Variants in KIRREL3 observed in about 807,000 individuals in gnomAD.
KIRREL3 encodes the protein kin of IRRE-like protein 3.
A neutral mutation model predicts 89.7 loss-of-function variants in KIRREL3; 36 were observed. The observed-to-expected ratio is 0.40, with a 90% confidence interval of 0.31 to 0.53. The LOEUF (loss-of-function observed/expected upper bound fraction) is 0.53, where lower values mean the gene tolerates loss of function less well. Ranked by LOEUF, KIRREL3 falls within the 20% of genes least tolerant of loss-of-function variation. The pLI is 0.49. For missense variants in KIRREL3, 864 were observed against 1,056.6 expected, an observed-to-expected ratio of 0.82 and a Z score of 2.53; for synonymous variants, 445 against 441.4, an observed-to-expected ratio of 1.01 and a Z score of -0.10.
chr11:126,762,392 T>C (rs769543784), intron 1 of KIRREL3, among the ~76,000 whole-genome samples: 5 of 152,204 alleles, frequency 3.3e-5, no homozygotes, highest in Non-Finnish European at 7.3e-5. Flanking sequence ...TTCCTAGCTG[T>C]TCTTTAAAAT....
rs971773358 is a variant in KIRREL3, at chr11:126,443,295, G to A, written c.1252+1684C>T. 3.3e-5 allele frequency among the ~76,000 whole-genome samples: 5 copies of A among 152,208 alleles called. No individual in the cohort carries two copies. Among genetic ancestry groups the A allele is most frequent in the African/African-American group, 1.2e-4 (5 of 41,452 alleles). On this transcript the variant is annotated intron_variant, in intron 10 of 16. Transcript: ENST00000525144. The surrounding 1 kb of genome is among the most constrained non-coding windows in gnomAD (Gnocchi z 7.3). ...ACTTCCGAGTGCCCTGGCTGGCGCG[G>A]GCTGTGTGGAGGGCCGCTGATTTCA...
In KIRREL3 at chr11:126,555,053, C is replaced by A. The variant is rs955283624; in HGVS notation, c.133+7782G>T. On this transcript the variant is annotated intron_variant, in intron 2 of 16. Transcript: ENST00000525144. The surrounding 1 kb of genome is among the most constrained non-coding windows in gnomAD (Gnocchi z 4.2). ...AGCCCCTTCCATCTCCCAATAAAATCCTCCGCATACACTACCCTTCAATCT... is the reference window on the plus strand; with the variant it reads ...AGCCCCTTCCATCTCCCAATAAAATACTCCGCATACACTACCCTTCAATCT... Among the ~76,000 whole-genome samples the A allele has an allele frequency of 6.6e-6, 1 of 152,318 alleles. No individual in the cohort carries two copies. Among genetic ancestry groups the A allele is most frequent in the Non-Finnish European group, 1.5e-5 (1 of 68,036 alleles).
Position 126,477,377 on chromosome 11 carries a change from C to A in KIRREL3, c.434-3911G>T, listed in dbSNP as rs900262597. Among the ~76,000 whole-genome samples, 12 of 152,050 alleles carry A rather than the reference C, an allele frequency of 7.9e-5. No individual in the cohort carries two copies. Among genetic ancestry groups the A allele is most frequent in the African/African-American group, 2.9e-4 (12 of 41,396 alleles). The stretch of plus-strand genomic sequence containing the variant: ...CCCTTTCCCTGTGTGTGGGAGGGAG[C>A]CCCCAAAAGCTTTCCCCAAGTTCTG... On this transcript the variant is annotated intron_variant, in intron 4 of 16. Transcript: ENST00000525144. The surrounding 1 kb of genome is among the most constrained non-coding windows in gnomAD (Gnocchi z 4.8).
chr11:126,724,501 G>T lies in KIRREL3; in HGVS notation c.56-161589C>A, dbSNP rs1012265310. ...CTATCAGCCCTCTCCAAACATCCAG[G>T]CAGGATCTGGGAGGGACTGCCCTTG... is the stretch of plus-strand genomic sequence containing the variant. On this transcript the variant is annotated intron_variant, in intron 1 of 16. Coordinates refer to ENST00000525144, the MANE Select transcript of KIRREL3 (RefSeq NM_032531.4). This position sits in a 1 kb window ranked among gnomAD's most constrained non-coding sequence, Gnocchi z 4.3. Among the ~76,000 whole-genome samples, 16 of 152,174 alleles carry T rather than the reference G, an allele frequency of 1.1e-4. No individual in the cohort carries two copies. Among genetic ancestry groups the T allele is most frequent in the Admixed American group, 2.6e-4 (4 of 15,288 alleles).
rs562107486 is a variant in KIRREL3 at position 126,579,526 on chromosome 11, G to A, written c.56-16614C>T. Among the ~76,000 whole-genome samples, 144 of 152,292 alleles carry A rather than the reference G, an allele frequency of 9.5e-4. No individual in the cohort carries two copies. The highest frequency in any genetic ancestry group is 8.8e-4 in the Non-Finnish European group (60 of 68,034). ...TTCTCTCATGAGCAAATGGGGTCCGGGTTCATGCAAGAAGCCAGTGGAAGA... is the reference window on the plus strand; with the variant it reads ...TTCTCTCATGAGCAAATGGGGTCCGAGTTCATGCAAGAAGCCAGTGGAAGA... On this transcript the variant is annotated intron_variant, in intron 1 of 16. Transcript: ENST00000525144. This position sits in a 1 kb window ranked among gnomAD's most constrained non-coding sequence, Gnocchi z 5.3.
rs575487360 is a variant in KIRREL3 at position 126,684,236 on chromosome 11, C to T, written c.56-121324G>A. Among the ~76,000 whole-genome samples the T allele has an allele frequency of 6.4e-4, 98 of 152,300 alleles. No homozygotes were observed. The highest frequency in any genetic ancestry group is 2.4e-3 in the African/African-American group (98 of 41,562). ...AGGCTGCAGACTCTGCCTCTGTGCC[C>T]GTTCTGGGAAAGCCCCTGGGCTTGC... On this transcript the variant is annotated intron_variant, in intron 1 of 16. Coordinates refer to ENST00000525144, the MANE Select transcript of KIRREL3 (RefSeq NM_032531.4). This position sits in a 1 kb window ranked among gnomAD's most constrained non-coding sequence, Gnocchi z 4.2.
chr11:126,690,930 G>T (rs976195486), intron 1 of KIRREL3, among the ~76,000 whole-genome samples: 3 of 152,152 alleles, frequency 2.0e-5, no homozygotes, highest in Non-Finnish European at 2.9e-5. Flanking sequence ...TACGTGTGTG[G>T]CAAAGAACTT....
rs1948264724 is a variant in KIRREL3, at chr11:126,723,621, A to G, written c.56-160709T>C. 6.6e-6 allele frequency among the ~76,000 whole-genome samples: 1 copy of G among 152,198 alleles called. No homozygotes were observed. Among genetic ancestry groups the G allele is most frequent in the African/African-American group, 2.4e-5 (1 of 41,458 alleles). ...AACTTCAGCAAACAGAACATTTTCTACTTTTCTATACTGTAAGATTTTTGA... is the reference window on the plus strand; with the variant it reads ...AACTTCAGCAAACAGAACATTTTCTGCTTTTCTATACTGTAAGATTTTTGA... On this transcript the variant is annotated intron_variant, in intron 1 of 16. Coordinates refer to ENST00000525144, the MANE Select transcript of KIRREL3 (RefSeq NM_032531.4). The surrounding 1 kb of genome is among the most constrained non-coding windows in gnomAD (Gnocchi z 4.0).
At chr11:126,902,067 G>A (rs1471509844) in intron 1 of KIRREL3, among the ~76,000 whole-genome samples, 1 of 152,274 alleles carries the variant, frequency 6.6e-6, no homozygotes, top group East Asian at 1.9e-4. Flanking sequence ...TTCTGCACTC[G>A]GATTCTGCAA....
chr11:126,729,237 T>C lies in KIRREL3; in HGVS notation c.56-166325A>G, dbSNP rs888009052. On this transcript the variant is annotated intron_variant, in intron 1 of 16. Transcript: ENST00000525144. The surrounding 1 kb of genome is among the most constrained non-coding windows in gnomAD (Gnocchi z 4.5). ...AGACCCAGTAGACTGTGGCTCAGCC[T>C]TTCTTGGGAAGCAGACTTCTAAGAA... Among the ~76,000 whole-genome samples, 1 of 152,234 alleles carries C rather than the reference T, an allele frequency of 6.6e-6. No individual in the cohort carries two copies. Among genetic ancestry groups the C allele is most frequent in the Admixed American group, 6.5e-5 (1 of 15,286 alleles).
intron 1 of KIRREL3, among the ~76,000 whole-genome samples, chr11:126,829,359 G>A (rs4423198): frequency 0.86 from 131,175 of 152,102 alleles, 56,901 homozygotes; most frequent in East Asian, 1. Context: ...ATCAATTTGC[G>A]GGTACACCAT....
intron 6 of KIRREL3, among the ~76,000 whole-genome samples, chr11:126,457,445 ATGTGTG>A (rs753856346): frequency 6.7e-6 from 1 of 149,354 alleles, no homozygotes; most frequent in African/African-American, 2.5e-5. Flanking sequence ...GTGTATGTGT[ATGTGTG>A]TGTATACATG....
chr11:126,472,858 A>T (rs888410125), intron 5 of KIRREL3, among the ~76,000 whole-genome samples: 2 of 151,444 alleles, frequency 1.3e-5, no homozygotes, highest in African/African-American at 4.9e-5. Flanking sequence ...GAGAGAAACC[A>T]AAAGGGGCAG....
chr11:126,572,365 G>A (rs1336626379), intron 1 of KIRREL3, among the ~76,000 whole-genome samples: 1 of 152,226 alleles, frequency 6.6e-6, no homozygotes, highest in Non-Finnish European at 1.5e-5. Flanking sequence ...TGAATGTGTG[G>A]ATTATTAGCT....
rs941099739 is a variant in KIRREL3 at position 126,655,667 on chromosome 11, G to A, written c.56-92755C>T. ...GAGCAGTGTGTGCCCGTCCACCCTG[G>A]GAGAGGCTTATGAAGGCTGTGTCTC... On this transcript the variant is annotated intron_variant, in intron 1 of 16. Transcript: ENST00000525144. This position sits in a 1 kb window ranked among gnomAD's most constrained non-coding sequence, Gnocchi z 5.0. Among the ~76,000 whole-genome samples, 4 of 152,094 alleles carry A rather than the reference G, an allele frequency of 2.6e-5. No individual in the cohort carries two copies. Among genetic ancestry groups the A allele is most frequent in the Admixed American group, 6.5e-5 (1 of 15,280 alleles).
chr11:126,967,128 A>C (rs554193170), intron 1 of KIRREL3, among the ~76,000 whole-genome samples: 38 of 152,204 alleles, frequency 2.5e-4, no homozygotes, highest in Non-Finnish European at 5.3e-4. Flanking sequence ...ATGTTTGTAC[A>C]ACCTGACAAT....
rs78657792 is a variant in KIRREL3 at position 126,544,715 on chromosome 11, A to G, written c.134-18028T>C. On this transcript the variant is annotated intron_variant, in intron 2 of 16. Coordinates refer to ENST00000525144, the MANE Select transcript of KIRREL3 (RefSeq NM_032531.4). The surrounding 1 kb of genome is among the most constrained non-coding windows in gnomAD (Gnocchi z 5.6). Reference sequence around the variant, plus strand: ...ATCTGGGCCAGTGGGTGGAGAGTGCAGGGAGCTGTCCTTGGTTGGCAGCAT... The same window carrying G: ...ATCTGGGCCAGTGGGTGGAGAGTGCGGGGAGCTGTCCTTGGTTGGCAGCAT... 1.3e-5 allele frequency among the ~76,000 whole-genome samples: 2 copies of G among 152,264 alleles called. No individual in the cohort carries two copies. The highest frequency in any genetic ancestry group is 2.9e-5 in the Non-Finnish European group (2 of 68,022).
chr11:126,448,066 C>T (rs1300876574), intron 8 of KIRREL3, among the ~76,000 whole-genome samples: 1 of 151,988 alleles, frequency 6.6e-6, no homozygotes, highest in African/African-American at 2.4e-5. Flanking sequence ...GTGGGTAGAT[C>T]ACGAGGTCAG....
upstream of KIRREL3, among the ~76,000 whole-genome samples, chr11:127,001,317 G>A (rs867405164): frequency 3.6e-5 from 3 of 84,040 alleles, no homozygotes; most frequent in African/African-American, 1.3e-4. Flanking sequence ...GTTGTGGTGG[G>A]GGGGGGGGGT....
Sources: allele counts gnomAD v4.1 joint callset (sites outside exome capture counted in the v4.1 genomes callset), GRCh38; gene constraint gnomAD v4.1.1; non-coding constraint Gnocchi (gnomAD v3.1); transcripts MANE v1.5; gene names NCBI Gene and HGNC (gene_info 2026-07-23, HGNC 2026-07-21).